MTOR: variants seen among roughly 807,000 people sequenced by gnomAD.
The protein encoded by MTOR is serine/threonine-protein kinase mTOR.
MTOR carries 70 observed loss-of-function variants against 319.8 expected under a neutral mutation model. The observed-to-expected ratio is 0.22, with a 90% CI of 0.18 to 0.27. The LOEUF (loss-of-function observed/expected upper bound fraction) is 0.27, where lower values mean the gene tolerates loss of function less well. Among genes scored for constraint, MTOR ranks in the 10% least tolerant of loss-of-function variants. The pLI is 1.00. For synonymous variants in MTOR, 1,183 were observed against 1,211.4 expected (o/e 0.98, Z 0.49); for missense variants, 1,890 against 3,274.4 (o/e 0.58, Z 10.32).
chr1:11,150,848 G>C lies in MTOR; in HGVS notation c.4470-622C>G, dbSNP rs1001700224. On this transcript the variant is annotated intron_variant, in intron 30 of 57. Coordinates refer to ENST00000361445, the MANE Select transcript of MTOR (RefSeq NM_004958.4). ...CCAATAAACAAAAGAGAACATGGAAGCCCTAGAATAGGGTCTTGCTATTGA... is the reference window on the plus strand; with the variant it reads ...CCAATAAACAAAAGAGAACATGGAACCCCTAGAATAGGGTCTTGCTATTGA... Among the ~76,000 whole-genome samples the C allele has an allele frequency of 3.3e-4, 51 of 152,274 alleles. No homozygotes were observed. In the East Asian group the frequency reaches 3.5e-3, roughly 10 times the overall value.
rs1452076525 is a variant in MTOR at position 11,121,738 on chromosome 1, G to A, written c.6810+241C>T. Among the ~76,000 whole-genome samples, 1 of 152,106 alleles carries A rather than the reference G, an allele frequency of 6.6e-6. No homozygotes were observed. On this transcript the variant is annotated intron_variant, in intron 48 of 57. Transcript: ENST00000361445. This position sits in a 1 kb window ranked among gnomAD's most constrained non-coding sequence, Gnocchi z 4.9. ...CTTTGTATACATTAGTAAATATATG[G>A]TGCCGAATATTTATCTGTCTAGTCT...
intron 28 of MTOR, among the ~76,000 whole-genome samples, chr1:11,176,997 G>A (rs893463021): frequency 1.3e-5 from 2 of 152,144 alleles, no homozygotes; most frequent in East Asian, 1.9e-4. Context: ...GAAAAGTGAC[G>A]GGGCAGAAGG....
At chr1:11,107,541 G>A (rs763361085) in intron 57 of MTOR, 41 bp from the exon 58 acceptor site, 1 of 1,607,074 alleles carries the variant, frequency 6.2e-7, no homozygotes, top group East Asian at 2.2e-5. Context: ...AATAATTTGA[G>A]CTTCTTCAAA....
At position 11,196,581 on chromosome 1, in the gene MTOR, G is replaced by A. The variant is rs576439577; in HGVS notation, c.4253+2677C>T. Among the ~76,000 whole-genome samples the A allele has an allele frequency of 4.2e-3, 636 of 152,280 alleles. 4 individuals carry two copies. The highest frequency in any genetic ancestry group is 0.015 in the African/African-American group (604 of 41,566). ...ACAAAAAAATAAGAAATAGCTGCAC[G>A]CGGTGGCTCACGCCTGTAATCCCAG... On this transcript the variant is annotated intron_variant, in intron 28 of 57. Coordinates refer to ENST00000361445, the MANE Select transcript of MTOR (RefSeq NM_004958.4).
intron 11 of MTOR, 120 bp from the exon 12 acceptor site, chr1:11,238,737 G>C: frequency 1.3e-6 from 1 of 746,414 alleles, no homozygotes; most frequent in Non-Finnish European, 2.2e-6. Flanking sequence ...ACTAGATATT[G>C]ATCAATACGA....
intron 11 of MTOR, among the ~76,000 whole-genome samples, chr1:11,239,026 G>A (rs960211820): frequency 2.0e-5 from 3 of 151,280 alleles, no homozygotes; most frequent in Non-Finnish European, 2.9e-5. Context: ...CGCCCGCCTC[G>A]GCCTCCCAAA....
intron 8 of MTOR, among the ~76,000 whole-genome samples, chr1:11,245,665 C>G (rs1228016034): frequency 3.3e-5 from 5 of 152,258 alleles, no homozygotes; most frequent in South Asian, 4.1e-4. Flanking sequence ...TTTGGGAGGC[C>G]AAGGCAGGAG....
intron 47 of MTOR, 22 bp from the exon 48 acceptor site, chr1:11,122,148 G>A (rs1306952999): frequency 1.9e-6 from 3 of 1,614,106 alleles, no homozygotes; most frequent in Non-Finnish European, 2.5e-6. Flanking sequence ...AGAAAAGCAG[G>A]GTTAGTGTAC....
chr1:11,195,185 G>T, intron 28 of MTOR: 1 of 781,324 alleles, frequency 1.3e-6, no homozygotes. Context: ...AAAATCATAT[G>T]TACCAAGGAT....
Position 11,205,847 on chromosome 1 carries a change from A to T in MTOR, c.3802-1144T>A, listed in dbSNP as rs186274801. Among the ~76,000 whole-genome samples the T allele has an allele frequency of 1.8e-4, 28 of 152,364 alleles. No individual in the cohort carries two copies. The East Asian group carries it at 5.2e-3, about 28-fold the overall frequency. On this transcript the variant is annotated intron_variant, in intron 25 of 57. Transcript: ENST00000361445. ...CTCCCTAAATGGGGGAAATCATGTA[A>T]GACAGAGCAGAAGGTCTCAAACTTT... is the stretch of plus-strand genomic sequence containing the variant.
chr1:11,227,668 G>A (rs1397963533), intron 19 of MTOR, among the ~76,000 whole-genome samples: 1 of 152,104 alleles, frequency 6.6e-6, no homozygotes, highest in African/African-American at 2.4e-5. Context: ...AACAGCAAGA[G>A]TGAGAGGTGG....
At position 11,259,369 on chromosome 1, in the gene MTOR, G is replaced by C. The variant is rs752849789; in HGVS notation, c.41C>G (p.Thr14Ser). The C allele has an allele frequency of 1.9e-6, 3 of 1,597,744 alleles. No homozygotes were observed. Among genetic ancestry groups the C allele is most frequent in the Non-Finnish European group, 2.6e-6 (3 of 1,174,166 alleles). ...CAGGACGCTCACATTGCTAGATGTG[G>C]TGGCAGCGGTGGTGGCGGCGGCAGG... is the stretch of plus-strand genomic sequence containing the variant. ...TGPAAATTAA[T>S]TSSNVSVLQQ... is the part of the protein sequence containing the mutation. Residue 14 changes from threonine (T) to serine (S), a missense_variant, in exon 2 of 58, where the codon ACC (threonine) becomes AGC (serine). Physicochemically the swap from Thr to Ser is moderately conservative, Grantham distance 58 (BLOSUM62 1). This residue lies in a region of MTOR where 85 missense variants were observed against 105.8 expected (regional missense o/e 0.80). Transcript: ENST00000361445.
At chr1:11,253,762 G>A (rs1161045959) in intron 6 of MTOR, 77 bp downstream of exon 6, 2 of 1,495,628 alleles carry the variant, frequency 1.3e-6, no homozygotes, top group Non-Finnish European at 1.9e-6. Context: ...AGCTCCATGA[G>A]GACATGGATC....
chr1:11,160,439 T>A (rs1196924525), intron 29 of MTOR, among the ~76,000 whole-genome samples: 1 of 152,168 alleles, frequency 6.6e-6, no homozygotes, highest in Non-Finnish European at 1.5e-5. Flanking sequence ...CATGGTGTCT[T>A]CCTAAGTATC....
In MTOR at chr1:11,185,368, G is replaced by A. The variant is rs539805243; in HGVS notation, c.4253+13890C>T. Among the ~76,000 whole-genome samples, 3 of 149,226 alleles carry A rather than the reference G, an allele frequency of 2.0e-5. No homozygotes were observed. In the East Asian group the frequency reaches 5.9e-4, roughly 29 times the overall value. ...AGGCTGGAGGATCACTTGAGCCCAG[G>A]AGTTCGAGACCAGCCCTGGCAACAC... On this transcript the variant is annotated intron_variant, in intron 28 of 57. Coordinates refer to ENST00000361445, the MANE Select transcript of MTOR (RefSeq NM_004958.4).
chr1:11,215,749 C>T lies in MTOR; in HGVS notation c.3117+399G>A, dbSNP rs571427504. On this transcript the variant is annotated intron_variant, in intron 20 of 57. Transcript: ENST00000361445. ...TCACCTTGTTCCTTGGTGCCCAACACGTGTCCATCATATTTAACAGCCCTA... is the reference window on the plus strand; with the variant it reads ...TCACCTTGTTCCTTGGTGCCCAACATGTGTCCATCATATTTAACAGCCCTA... Among the ~76,000 whole-genome samples the T allele has an allele frequency of 6.2e-4, 94 of 152,240 alleles. No homozygotes were observed. In the South Asian group the frequency reaches 8.7e-3, roughly 14 times the overall value.
chr1:11,212,644 G>T lies in MTOR; in HGVS notation c.3398+152C>A. On this transcript the variant is annotated intron_variant, in intron 22 of 57. Transcript: ENST00000361445. The surrounding 1 kb of genome is among the most constrained non-coding windows in gnomAD (Gnocchi z 4.1). ...ATTCCAATGGGATAGGGACAGTTAA[G>T]ATTTCCATAAACCTGGGATATTTCT... The T allele has an allele frequency of 9.4e-7, 1 of 1,064,338 alleles. No homozygotes were observed. Among genetic ancestry groups the T allele is most frequent in the Non-Finnish European group, 1.4e-6 (1 of 730,048 alleles). 65.9% of individuals were successfully genotyped at this position (1,064,338 alleles called of 1,614,324 possible). A position where few individuals can be genotyped will look rare whatever the true frequency, so the allele number is the denominator to read the frequency against.
intron 46 of MTOR, among the ~76,000 whole-genome samples, chr1:11,125,996 G>C (rs1388139240): frequency 7.1e-6 from 1 of 141,328 alleles, no homozygotes; most frequent in Admixed American, 7.4e-5. Context: ...AGCCAAGATT[G>C]CGCCATTATA....
At chr1:11,242,868 C>T (rs1320663957) in intron 9 of MTOR, among the ~76,000 whole-genome samples, 2 of 152,186 alleles carry the variant, frequency 1.3e-5, no homozygotes, top group African/African-American at 4.8e-5. Flanking sequence ...TAAATAATAA[C>T]ACTGAAAATA....
Sources: allele counts gnomAD v4.1 joint callset (sites outside exome capture counted in the v4.1 genomes callset), GRCh38; gene constraint gnomAD v4.1.1; regional missense constraint gnomAD v4.1.1; non-coding constraint Gnocchi (gnomAD v3.1); transcripts MANE v1.5; gene names NCBI Gene and HGNC (gene_info 2026-07-23, HGNC 2026-07-21).